The following PGCKA1 variants were observed in gnomAD, a reference collection of about 807,000 sequenced individuals.
PGCKA1 encodes the protein PDCD10 and GCKIII kinases associated 1, also known as PDCD10 and GCKIII kinases-associated protein 1.
the PGCKA1 span, among the ~76,000 whole-genome samples, chr4:37,581,773 C>T: frequency 2.0e-5 from 3 of 152,150 alleles, no homozygotes; most frequent in African/African-American, 4.8e-5. The surrounding 1 kb of genome is among the most constrained non-coding windows in gnomAD (Gnocchi z 4.4). Context: ...GGTGCCCCCC[C>T]AGGTCCACTG....
the PGCKA1 span, among the ~76,000 whole-genome samples, chr4:37,480,351 G>A: frequency 2.0e-5 from 3 of 152,168 alleles, no homozygotes; most frequent in Non-Finnish European, 4.4e-5. Flanking sequence ...AAATTAGCCG[G>A]GTATGCTGGC....
the PGCKA1 span, among the ~76,000 whole-genome samples, chr4:37,481,498 A>G: frequency 1.1e-4 from 9 of 83,664 alleles, no homozygotes; most frequent in African/African-American, 2.8e-4. Flanking sequence ...AAAAAAAAAA[A>G]AAGAAGTCCA....
At chr4:37,553,636 C>T in the PGCKA1 span, among the ~76,000 whole-genome samples, 2 of 152,146 alleles carry the variant, frequency 1.3e-5, no homozygotes, top group African/African-American at 4.8e-5. Context: ...CCAATGATTG[C>T]TAGATACATT....
chr4:37,476,363 C>T, the PGCKA1 span, among the ~76,000 whole-genome samples: 13 of 152,164 alleles, frequency 8.5e-5, no homozygotes, highest in Admixed American at 7.9e-4. Flanking sequence ...AATCACTTCT[C>T]TGTTCTTTAG....
chr4:37,462,962 CAAAAAAAAA>C, the PGCKA1 span, among the ~76,000 whole-genome samples: 6 of 60,304 alleles, frequency 9.9e-5, no homozygotes, highest in East Asian at 1.4e-3. Context: ...GACTCAGTAT[CAAAAAAAAA>C]AAAAAAAAAA....
the PGCKA1 span, among the ~76,000 whole-genome samples, chr4:37,582,657 G>A: frequency 1.3e-5 from 2 of 152,150 alleles, no homozygotes; most frequent in African/African-American, 4.8e-5. Flanking sequence ...ATGCTCTTTT[G>A]TCAGGAAATC....
At chr4:37,492,158 C>T in the PGCKA1 span, among the ~76,000 whole-genome samples, 6 of 152,044 alleles carry the variant, frequency 3.9e-5, no homozygotes, top group Non-Finnish European at 8.8e-5. This position sits in a 1 kb window ranked among gnomAD's most constrained non-coding sequence, Gnocchi z 4.7. Context: ...TCTCCTACCT[C>T]AGCCTCCCAA....
the PGCKA1 span, among the ~76,000 whole-genome samples, chr4:37,501,112 C>CA: frequency 1.3e-5 from 2 of 152,166 alleles, no homozygotes; most frequent in African/African-American, 4.8e-5. Context: ...AGCCCATTTA[C>CA]ATTCAAGATT....
At chr4:37,547,671 GACAA>G in the PGCKA1 span, among the ~76,000 whole-genome samples, 2 of 152,074 alleles carry the variant, frequency 1.3e-5, no homozygotes, top group Non-Finnish European at 2.9e-5. Flanking sequence ...TCCACACATA[GACAA>G]TTACACCTGG....
the PGCKA1 span, among the ~76,000 whole-genome samples, chr4:37,572,059 T>C: frequency 3.4e-5 from 4 of 118,656 alleles, no homozygotes; most frequent in Non-Finnish European, 7.2e-5. Flanking sequence ...TTTTTTTTTT[T>C]TTTCTTTTTT....
At chr4:37,456,605 G>T in the PGCKA1 span, among the ~76,000 whole-genome samples, 3 of 152,178 alleles carry the variant, frequency 2.0e-5, no homozygotes, top group African/African-American at 7.2e-5. Context: ...CAGTGTACAA[G>T]TGGTTCTACA....
chr4:37,564,994 A>G, the PGCKA1 span, among the ~76,000 whole-genome samples: 1 of 151,798 alleles, frequency 6.6e-6, no homozygotes, highest in Non-Finnish European at 1.5e-5. Flanking sequence ...AGACACACAC[A>G]CTAGTCTTTA....
chr4:37,474,191 T>C, the PGCKA1 span, among the ~76,000 whole-genome samples: 1 of 152,158 alleles, frequency 6.6e-6, no homozygotes, highest in Non-Finnish European at 1.5e-5. Flanking sequence ...TGCCATTACC[T>C]TGGGAGTGGG....
At chr4:37,471,202 A>G in the PGCKA1 span, among the ~76,000 whole-genome samples, 2 of 152,356 alleles carry the variant, frequency 1.3e-5, no homozygotes, top group South Asian at 4.1e-4. Flanking sequence ...GTGAGCTTAC[A>G]TTGGCTAAAC....
At chr4:37,491,421 A>G in the PGCKA1 span, among the ~76,000 whole-genome samples, 15 of 152,296 alleles carry the variant, frequency 9.8e-5, no homozygotes, top group South Asian at 1.2e-3. Context: ...GCTCAACTAT[A>G]TTTTTGTGGG....
At chr4:37,458,492 G>A in the PGCKA1 span, among the ~76,000 whole-genome samples, 1 of 152,170 alleles carries the variant, frequency 6.6e-6, no homozygotes, top group Non-Finnish European at 1.5e-5. Context: ...TTCTTTTCCA[G>A]TTTCCTCCAT....
At chr4:37,544,396 G>T in the PGCKA1 span, among the ~76,000 whole-genome samples, 1 of 151,842 alleles carries the variant, frequency 6.6e-6, no homozygotes, top group Non-Finnish European at 1.5e-5. Context: ...CTTCAATTAC[G>T]TAAAATTTTC....
At chr4:37,536,539 T>C in the PGCKA1 span, among the ~76,000 whole-genome samples, 1 of 152,178 alleles carries the variant, frequency 6.6e-6, no homozygotes, top group Non-Finnish European at 1.5e-5. Context: ...CTCAGGTGTC[T>C]CTTGGCGGGT....
At chr4:37,508,842 G>A in the PGCKA1 span, among the ~76,000 whole-genome samples, 1 of 148,470 alleles carries the variant, frequency 6.7e-6, no homozygotes, top group East Asian at 2.0e-4. Context: ...CGCAGTGTTT[G>A]TGTCCCTGGG....
Sources: gnomAD v4.1 joint callset for allele counts (sites outside exome capture counted in the v4.1 genomes callset) on GRCh38, gnomAD v4.1.1 for gene constraint, Gnocchi (gnomAD v3.1) non-coding constraint, MANE v1.5 for transcripts, NCBI Gene and HGNC (gene_info 2026-07-23, HGNC 2026-07-21) for gene names.